Variants in KCNMB2 observed in about 807,000 individuals in gnomAD.
KCNMB2 encodes potassium calcium-activated channel subfamily M regulatory beta subunit 2.
In KCNMB2, 9 loss-of-function variants were observed where a neutral mutation model predicts 24.5. That is an observed-to-expected ratio of 0.37 (90% confidence interval 0.22 to 0.64). KCNMB2 has a LOEUF of 0.64. KCNMB2 is among the 30% of genes least tolerant of loss of function. The pLI is 0.63. For missense variants in KCNMB2, 226 were observed against 284.3 expected, an observed-to-expected ratio of 0.79 and a Z score of 1.47; for synonymous variants, 109 against 104.4, an observed-to-expected ratio of 1.04 and a Z score of -0.27.
At chr3:178,606,128 T>C (rs1004934471) in intron 1 of KCNMB2, among the ~76,000 whole-genome samples, 1 of 152,192 alleles carries the variant, frequency 6.6e-6, no homozygotes, top group Non-Finnish European at 1.5e-5. Flanking sequence ...TTCTTACGTC[T>C]TATAGGACAG....
At chr3:178,831,875 C>T (rs1385915828) in intron 4 of KCNMB2, among the ~76,000 whole-genome samples, 2 of 152,104 alleles carry the variant, frequency 1.3e-5, no homozygotes, top group African/African-American at 2.4e-5. Flanking sequence ...AACAAACCTG[C>T]ACCTAAACCT....
chr3:178,809,551 C>T (rs1046766359), intron 2 of KCNMB2, among the ~76,000 whole-genome samples: 1 of 152,146 alleles, frequency 6.6e-6, no homozygotes, highest in African/African-American at 2.4e-5. Flanking sequence ...TTGAACCCAG[C>T]TGATGCTCTC....
intron 1 of KCNMB2, among the ~76,000 whole-genome samples, chr3:178,648,780 T>C (rs1348779294): frequency 6.6e-6 from 1 of 152,216 alleles, no homozygotes; most frequent in African/African-American, 2.4e-5. Context: ...TTTTGGTTTA[T>C]AGACATATCT....
chr3:178,557,495 T>C (rs919024246), intron 1 of KCNMB2, among the ~76,000 whole-genome samples: 1 of 152,214 alleles, frequency 6.6e-6, no homozygotes, highest in Admixed American at 6.5e-5. Context: ...TAAAGAAATT[T>C]AAAGCATTCC....
chr3:178,642,560 T>C (rs1719764830), intron 1 of KCNMB2, among the ~76,000 whole-genome samples: 1 of 152,228 alleles, frequency 6.6e-6, no homozygotes, highest in African/African-American at 2.4e-5. Flanking sequence ...ACTAATATTA[T>C]TAGAAGTGCA....
At chr3:178,627,880 G>T (rs1484082479) in intron 1 of KCNMB2, among the ~76,000 whole-genome samples, 1 of 152,098 alleles carries the variant, frequency 6.6e-6, no homozygotes, top group Non-Finnish European at 1.5e-5. Flanking sequence ...GAAGAGCAAA[G>T]AATTTAAATT....
At chr3:178,602,580 G>T (rs1262180393) in intron 1 of KCNMB2, among the ~76,000 whole-genome samples, 1 of 151,320 alleles carries the variant, frequency 6.6e-6, no homozygotes, top group East Asian at 1.9e-4. Context: ...GGGTGGGGGG[G>T]AGGAGTGATA....
At chr3:178,781,893 A>T (rs1712866020) in intron 1 of KCNMB2, among the ~76,000 whole-genome samples, 1 of 140,446 alleles carries the variant, frequency 7.1e-6, no homozygotes, top group African/African-American at 2.7e-5. Context: ...GCACCCACTA[A>T]CTCGTCATCT....
chr3:178,734,140 G>A (rs1462608261), intron 1 of KCNMB2, among the ~76,000 whole-genome samples: 1 of 152,124 alleles, frequency 6.6e-6, no homozygotes, highest in Admixed American at 6.5e-5. Context: ...TAACTTGGGA[G>A]GGTGCCCAAG....
At chr3:178,657,363 C>T (rs1010042191) in intron 1 of KCNMB2, among the ~76,000 whole-genome samples, 12 of 152,214 alleles carry the variant, frequency 7.9e-5, no homozygotes, top group African/African-American at 2.7e-4. Context: ...CTCTTGCTCT[C>T]AGCATAAGGC....
chr3:178,738,981 A>G (rs1232347042), intron 1 of KCNMB2, among the ~76,000 whole-genome samples: 1 of 152,194 alleles, frequency 6.6e-6, no homozygotes, highest in African/African-American at 2.4e-5. Flanking sequence ...TGTGCAGGAC[A>G]AGGGCATATA....
intron 1 of KCNMB2, among the ~76,000 whole-genome samples, chr3:178,705,333 G>A (rs967026609): frequency 9.9e-5 from 15 of 152,098 alleles, no homozygotes; most frequent in African/African-American, 3.6e-4. Context: ...TCTCAGGCCT[G>A]TGAAAACCAT....
intron 1 of KCNMB2, among the ~76,000 whole-genome samples, chr3:178,593,600 G>A (rs1049304192): frequency 6.6e-6 from 1 of 151,672 alleles, no homozygotes; most frequent in African/African-American, 2.4e-5. Context: ...GATTTTGACC[G>A]ATGCTTATTT....
intron 1 of KCNMB2, among the ~76,000 whole-genome samples, chr3:178,755,937 G>A (rs1241729916): frequency 6.6e-6 from 1 of 152,236 alleles, no homozygotes; most frequent in Non-Finnish European, 1.5e-5. Flanking sequence ...GAATGAGGAA[G>A]AATTTCAGAC....
chr3:178,757,258 A>C (rs1012761086), intron 1 of KCNMB2: 1 of 143,728 alleles, frequency 7.0e-6, no homozygotes, highest in African/African-American at 2.5e-5. Context: ...ATATATATAT[A>C]CACGTGTGTG....
intron 4 of KCNMB2, among the ~76,000 whole-genome samples, chr3:178,834,096 T>C (rs543710608): frequency 1.3e-5 from 2 of 152,138 alleles, no homozygotes; most frequent in African/African-American, 4.8e-5. Flanking sequence ...AAAATGTAGT[T>C]TGGTGCAAAA....
chr3:178,741,384 C>G (rs2108377734), intron 1 of KCNMB2, among the ~76,000 whole-genome samples: 1 of 152,316 alleles, frequency 6.6e-6, no homozygotes, highest in East Asian at 1.9e-4. Flanking sequence ...TCCTCCATTC[C>G]TCCTAGAAGG....
chr3:178,544,674 C>G (rs1020691969), intron 1 of KCNMB2, among the ~76,000 whole-genome samples: 2 of 152,142 alleles, frequency 1.3e-5, no homozygotes, highest in Non-Finnish European at 2.9e-5. Context: ...GATTCCTTGT[C>G]ATCTTGGTGT....
chr3:178,671,802 C>T (rs1363735361), intron 1 of KCNMB2, among the ~76,000 whole-genome samples: 5 of 152,100 alleles, frequency 3.3e-5, no homozygotes, highest in Non-Finnish European at 7.4e-5. Context: ...GAGTATTTAT[C>T]ATATCTATGT....
Sources: gnomAD v4.1 joint callset for allele counts (sites outside exome capture counted in the v4.1 genomes callset) on GRCh38, gnomAD v4.1.1 for gene constraint, MANE v1.5 for transcripts, NCBI Gene and HGNC (gene_info 2026-07-23, HGNC 2026-07-21) for gene names.